EPB41L4B: variants seen among roughly 807,000 people sequenced by gnomAD.
EPB41L4B encodes the protein band 4.1-like protein 4B.
In EPB41L4B, 30 loss-of-function variants were observed where a neutral mutation model predicts 112.5. The observed-to-expected ratio is 0.27, with a 90% CI of 0.20 to 0.36. The LOEUF (loss-of-function observed/expected upper bound fraction) is 0.36. EPB41L4B is among the 10% of genes least tolerant of loss of function. EPB41L4B has a pLI of 1.00. For missense variants in EPB41L4B, 1,024 were observed against 1,133.3 expected, an observed-to-expected ratio of 0.90 and a Z score of 1.38; for synonymous variants, 408 against 439.7, an observed-to-expected ratio of 0.93 and a Z score of 0.90.
intron 6 of EPB41L4B, among the ~76,000 whole-genome samples, chr9:109,262,005 G>A (rs1026167797): frequency 7.9e-5 from 12 of 152,088 alleles, no homozygotes; most frequent in African/African-American, 2.4e-4. Flanking sequence ...ATGAAATCCC[G>A]GATATGCAGT....
chr9:109,270,833 G>T (rs1835582927), intron 2 of EPB41L4B, among the ~76,000 whole-genome samples: 1 of 152,116 alleles, frequency 6.6e-6, no homozygotes, highest in African/African-American at 2.4e-5. Context: ...TTTGATCCTG[G>T]CTGTGTATTA....
chr9:109,279,264 G>A (rs1415427758), intron 2 of EPB41L4B, among the ~76,000 whole-genome samples: 3 of 151,782 alleles, frequency 2.0e-5, no homozygotes, highest in Non-Finnish European at 4.4e-5. Flanking sequence ...CACTAGGGAG[G>A]CTGAGGTGGC....
At position 109,247,192 on chromosome 9, in the gene EPB41L4B, T is replaced by TTTTA. The variant is rs60381156; in HGVS notation, c.1344+563_1344+564insTAAA. Among the ~76,000 whole-genome samples the TTTTA allele has an allele frequency of 8.0e-5, 12 of 150,682 alleles. No homozygotes were observed. In the East Asian group the frequency reaches 1.4e-3, roughly 17 times the overall value. On this transcript the variant is annotated intron_variant, in intron 14 of 25. Coordinates refer to ENST00000374566, the MANE Select transcript of EPB41L4B (RefSeq NM_019114.5). ...AGACTAGTTTTTTTTTTTTTTTTTT[T>TTTTA]AATCAGGGGCGTGAGAGGGGAGCAA... is the stretch of plus-strand genomic sequence containing the variant.
intron 1 of EPB41L4B, among the ~76,000 whole-genome samples, chr9:109,301,444 A>G (rs920302307): frequency 1.3e-5 from 2 of 152,160 alleles, no homozygotes; most frequent in African/African-American, 4.8e-5. Context: ...GGTGTACCCC[A>G]CACTCCTCTA....
At chr9:109,176,357 G>C (rs373255324) in intron 25 of EPB41L4B, among the ~76,000 whole-genome samples, 194 bp downstream of exon 25, 1 of 152,122 alleles carries the variant, frequency 6.6e-6, no homozygotes, top group African/African-American at 2.4e-5. Flanking sequence ...GACTTCAAGG[G>C]ATCCTCCCTT....
At chr9:109,283,758 C>T (rs550112236) in intron 1 of EPB41L4B, among the ~76,000 whole-genome samples, 161 of 152,112 alleles carry the variant, frequency 1.1e-3, no homozygotes, top group African/African-American at 3.8e-3. Context: ...CTCCTTATGA[C>T]GGGATTACAT....
intron 24 of EPB41L4B, among the ~76,000 whole-genome samples, chr9:109,176,900 A>T (rs923615801): frequency 2.0e-5 from 3 of 152,224 alleles, no homozygotes; most frequent in African/African-American, 4.8e-5. Context: ...CCTTTAAGGT[A>T]GCGATTATAT....
chr9:109,267,486 C>T lies in EPB41L4B; in HGVS notation c.520G>A (p.Glu174Lys). The T allele has an allele frequency of 1.2e-6, 2 of 1,613,104 alleles. No homozygotes were observed. The highest frequency in any genetic ancestry group is 1.7e-6 in the Non-Finnish European group (2 of 1,179,204). The change falls in exon 4 of 26, where the codon GAG becomes AAG. Residue 174 changes from glutamate to lysine, a missense_variant. Coordinates refer to ENST00000374566, the MANE Select transcript of EPB41L4B (RefSeq NM_019114.5). ...YYSSEPNNLR[E>K]EFTRYLFVLQ... The stretch of plus-strand genomic sequence containing the variant: ...ATCGTGGCCTACCTTGTAAACTCCT[C>T]ACGAAGGTTGTTTGGTTCTGAAGAA...
chr9:109,270,425 C>T (rs1835567718), intron 2 of EPB41L4B, among the ~76,000 whole-genome samples: 1 of 152,084 alleles, frequency 6.6e-6, no homozygotes, highest in Non-Finnish European at 1.5e-5. Flanking sequence ...GCTGGGTTGT[C>T]ACGTCCATAT....
chr9:109,271,583 GA>G (rs1468624469), intron 2 of EPB41L4B, among the ~76,000 whole-genome samples: 1 of 152,224 alleles, frequency 6.6e-6, no homozygotes, highest in Non-Finnish European at 1.5e-5. Flanking sequence ...CTGGGGCAAT[GA>G]AAGCCCAACA....
intron 1 of EPB41L4B, among the ~76,000 whole-genome samples, chr9:109,314,511 C>G (rs1361470579): frequency 6.6e-6 from 1 of 152,084 alleles, no homozygotes. Flanking sequence ...GGCCCCTTCC[C>G]CCTGCAGGCC....
At chr9:109,244,120 C>T (rs1051247908) in intron 14 of EPB41L4B, among the ~76,000 whole-genome samples, 2 of 152,324 alleles carry the variant, frequency 1.3e-5, no homozygotes, top group African/African-American at 2.4e-5. Context: ...GGAACAGTTA[C>T]ATCTGCACAC....
At chr9:109,266,968 C>CAAAAA (rs3061574) in intron 4 of EPB41L4B, among the ~76,000 whole-genome samples, 2 of 91,742 alleles carry the variant, frequency 2.2e-5, no homozygotes, top group Non-Finnish European at 4.3e-5. Context: ...GATTTTGTTT[C>CAAAAA]AAAAAAAAAA....
intron 1 of EPB41L4B, among the ~76,000 whole-genome samples, chr9:109,283,816 G>A (rs920726781): frequency 6.6e-6 from 1 of 152,062 alleles, no homozygotes; most frequent in African/African-American, 2.4e-5. Context: ...GCCAGGCATG[G>A]TGGCTCATGC....
At chr9:109,200,427 C>T in intron 19 of EPB41L4B, 93 bp from the exon 20 acceptor site, 2 of 859,306 alleles carry the variant, frequency 2.3e-6, no homozygotes, top group South Asian at 3.4e-5. Flanking sequence ...TAATGTACAC[C>T]TTAATAACAT....
chr9:109,228,793 T>C (rs561792109), intron 15 of EPB41L4B, among the ~76,000 whole-genome samples: 1 of 152,354 alleles, frequency 6.6e-6, no homozygotes, highest in South Asian at 2.1e-4. Context: ...TCTGTGCCGC[T>C]TTCTTTTTGA....
intron 15 of EPB41L4B, among the ~76,000 whole-genome samples, chr9:109,232,350 C>T (rs1330613228): frequency 6.6e-6 from 1 of 151,772 alleles, no homozygotes; most frequent in African/African-American, 2.4e-5. Context: ...TGTTCCTGTG[C>T]CTTTATTCTG....
At chr9:109,215,796 T>C (rs927052471) in intron 16 of EPB41L4B, among the ~76,000 whole-genome samples, 1 of 152,190 alleles carries the variant, frequency 6.6e-6, no homozygotes, top group African/African-American at 2.4e-5. Context: ...TTTTATTAGA[T>C]TTAAAAGATA....
At chr9:109,233,685 C>G (rs1834034207) in intron 15 of EPB41L4B, among the ~76,000 whole-genome samples, 2 of 152,132 alleles carry the variant, frequency 1.3e-5, no homozygotes, top group Non-Finnish European at 2.9e-5. Flanking sequence ...CATGCGCCAC[C>G]AGGTCCAGCT....
Sources: allele counts gnomAD v4.1 joint callset (sites outside exome capture counted in the v4.1 genomes callset), GRCh38; gene constraint gnomAD v4.1.1; transcripts MANE v1.5; gene names NCBI Gene and HGNC (gene_info 2026-07-23, HGNC 2026-07-21).